BRI3: variants seen among roughly 807,000 people sequenced by gnomAD.
BRI3 encodes the protein membrane protein BRI3.
A neutral mutation model predicts 12.8 loss-of-function variants in BRI3; 6 were observed. That is an observed-to-expected ratio of 0.47 (90% confidence interval 0.26 to 0.93). The LOEUF (loss-of-function observed/expected upper bound fraction) is 0.93. Among genes scored for constraint, BRI3 ranks in the 40% least tolerant of loss-of-function variants. BRI3 has a pLI of 0.15. For synonymous variants in BRI3, 91 were observed against 76.1 expected (o/e 1.20, Z -1.02); for missense variants, 134 against 171.1 (o/e 0.78, Z 1.21).
At position 98,291,071 on chromosome 7, in the gene BRI3, G is replaced by A. The variant is rs760861800; in HGVS notation, c.246-40G>A. 5.0e-6 allele frequency: 8 copies of A among 1,612,498 alleles called. No individual in the cohort carries two copies. The East Asian group carries it at 1.6e-4, about 31-fold the overall frequency. ...AGGGGTGAGGGTTCTGGCTGCCCGG[G>A]TCCTTACGGTGCCACCCTCTCTGCC... On this transcript the variant is annotated intron_variant, in intron 2 of 2. Coordinates refer to ENST00000297290, the MANE Select transcript of BRI3 (RefSeq NM_015379.5).
chr7:98,304,513 G>C (rs1287214737), upstream of BRI3: 7 of 861,912 alleles, frequency 8.1e-6, no homozygotes, highest in South Asian at 1.6e-5. Context: ...CACACACACA[G>C]ACACACACAG....
chr7:98,315,789 C>T, the BRI3 span, among the ~76,000 whole-genome samples: 2 of 152,142 alleles, frequency 1.3e-5, no homozygotes, highest in Admixed American at 6.5e-5. Flanking sequence ...CATCGTTCTC[C>T]TTGAGGTCCC....
exon 2 of BRI3, chr7:98,307,936 T>C (rs1436524824): frequency 1.3e-6 from 2 of 1,590,480 alleles, no homozygotes; most frequent in South Asian, 1.1e-5. Flanking sequence ...TTTCAAAGCA[T>C]GAGAATCAAT....
intron 2 of BRI3, among the ~76,000 whole-genome samples, chr7:98,290,805 C>G (rs1012409575): frequency 1.3e-5 from 2 of 152,278 alleles, no homozygotes; most frequent in African/African-American, 4.8e-5. Context: ...CCTGCCTTGC[C>G]TTTCAAGGTT....
exon 2 of BRI3, chr7:98,307,785 T>A (rs745532455): frequency 3.1e-6 from 5 of 1,614,260 alleles, no homozygotes; most frequent in Non-Finnish European, 4.2e-6. Context: ...GAGTAAGGTC[T>A]TGTTGGAGCC....
chr7:98,291,408 C>G lies in BRI3; in HGVS notation c.*165C>G. On this transcript the variant is annotated 3_prime_UTR_variant, in exon 3 of 3. Transcript: ENST00000297290. Reference sequence around the variant, plus strand: ...TTTCCCGGAGCGTGGAGAGGCAGTGCTGCTGCTCCCGCCCGAGGCTCATGA... The same window carrying G: ...TTTCCCGGAGCGTGGAGAGGCAGTGGTGCTGCTCCCGCCCGAGGCTCATGA... 1 of 1,448,188 alleles carries G rather than the reference C, an allele frequency of 6.9e-7. No homozygotes were observed. Among genetic ancestry groups the G allele is most frequent in the South Asian group, 1.5e-5 (1 of 68,114 alleles). The allele number at this position is 1,448,188 out of a possible 1,614,324, so 89.7% of individuals were successfully genotyped here.
At position 98,291,318 on chromosome 7, in the gene BRI3, T is replaced by C. The variant is rs1397926620; in HGVS notation, c.*75T>C. The C allele has an allele frequency of 6.3e-7, 1 of 1,584,204 alleles. No homozygotes were observed. On this transcript the variant is annotated 3_prime_UTR_variant, in exon 3 of 3. Transcript: ENST00000297290. Reference sequence around the variant, plus strand: ...TAAATGTTGTGTACAATAATTTTATTTGATTAAGCTTCAGGACTGTTTTGT... The same window carrying C: ...TAAATGTTGTGTACAATAATTTTATCTGATTAAGCTTCAGGACTGTTTTGT...
At chr7:98,287,710 G>A (rs540034949) in intron 2 of BRI3, among the ~76,000 whole-genome samples, 10 of 152,348 alleles carry the variant, frequency 6.6e-5, no homozygotes, top group African/African-American at 2.2e-4. Context: ...GCAGGAGGGC[G>A]CTGCTGCTCT....
upstream of BRI3, among the ~76,000 whole-genome samples, chr7:98,304,837 G>A (rs1235931873): frequency 6.6e-6 from 1 of 151,118 alleles, no homozygotes; most frequent in Non-Finnish European, 1.5e-5. Flanking sequence ...AATGTTTTTA[G>A]TGGTTTCTAA....
At chr7:98,292,735 G>A, downstream of BRI3, 1 of 1,551,494 alleles carries the variant, frequency 6.4e-7, no homozygotes, top group Non-Finnish European at 8.7e-7. Context: ...TGAGTGTACT[G>A]GTAATGGATG....
At chr7:98,314,551 C>G (rs2116885253), downstream of BRI3, among the ~76,000 whole-genome samples, 1 of 152,324 alleles carries the variant, frequency 6.6e-6, no homozygotes, top group South Asian at 2.1e-4. Context: ...TGTGTTGCAT[C>G]ATGATTCCTG....
At chr7:98,306,355 G>T, upstream of BRI3, 1 of 1,519,332 alleles carries the variant, frequency 6.6e-7, no homozygotes, top group South Asian at 1.1e-5. Flanking sequence ...CAGGGCCTGC[G>T]ACACAGCTAG....
chr7:98,311,153 C>T (rs1004729474), downstream of BRI3, among the ~76,000 whole-genome samples: 3 of 152,144 alleles, frequency 2.0e-5, no homozygotes, highest in African/African-American at 4.8e-5. Context: ...AAGTGCCTTA[C>T]GTTGTGATGA....
downstream of BRI3, among the ~76,000 whole-genome samples, chr7:98,294,867 C>T (rs76745940): frequency 0.041 from 6,226 of 152,310 alleles, 206 homozygotes; most frequent in Non-Finnish European, 0.061. Context: ...GGGAGCAACT[C>T]CTTCCAGCAC....
chr7:98,293,561 G>A, downstream of BRI3: 3 of 1,613,884 alleles, frequency 1.9e-6, no homozygotes, highest in South Asian at 1.1e-5. Flanking sequence ...CGTCACAGTC[G>A]GGCGGAGTTT....
chr7:98,291,040 G>C, intron 2 of BRI3, 71 bp from the exon 3 acceptor site: 2 of 1,570,032 alleles, frequency 1.3e-6, no homozygotes, highest in Non-Finnish European at 1.7e-6. Flanking sequence ...TGAATGCAAG[G>C]GTGGCAGGGG....
Position 98,290,181 on chromosome 7 carries a change from G to GTTT in BRI3, c.246-907_246-905dup, listed in dbSNP as rs1180326213. 3.3e-3 allele frequency among the ~76,000 whole-genome samples: 335 copies of GTTT among 102,492 alleles called. 2 individuals carry two copies. Among genetic ancestry groups the GTTT allele is most frequent in the South Asian group, 6.5e-3 (16 of 2,456 alleles). 67.2% of individuals were successfully genotyped at this position (102,492 alleles called of 152,430 possible). On this transcript the variant is annotated intron_variant, in intron 2 of 2. Coordinates refer to ENST00000297290, the MANE Select transcript of BRI3 (RefSeq NM_015379.5). ...CAAAATGATCATGCCTCTCAAGGTT[G>GTTT]TTTTTTTTTTTTTTTTTTTTTTTTT...
chr7:98,289,228 G>C (rs1584395794), intron 2 of BRI3, among the ~76,000 whole-genome samples: 1 of 152,366 alleles, frequency 6.6e-6, no homozygotes, highest in Non-Finnish European at 1.5e-5. Context: ...AAAGTGCTGG[G>C]ATGACAAGCA....
In BRI3 at chr7:98,299,965, C is replaced by G. The variant is rs367672127; in HGVS notation, c.72-6518C>G. 9.2e-4 allele frequency among the ~76,000 whole-genome samples: 140 copies of G among 152,260 alleles called. 3 individuals are homozygous for G. In the South Asian group the frequency reaches 0.025, roughly 28 times the overall value. On this transcript the variant is annotated intron_variant and NMD_transcript_variant, in intron 1 of 2. Coordinates refer to the BRI3 transcript ENST00000491463. Reference sequence around the variant, plus strand: ...CTGAGGCGGGAGAATTGCTTGAGCCCGGGAAGTGGAGGTTGCTGTGAACCA... The same window carrying G: ...CTGAGGCGGGAGAATTGCTTGAGCCGGGGAAGTGGAGGTTGCTGTGAACCA...
Sources: allele counts gnomAD v4.1 joint callset (sites outside exome capture counted in the v4.1 genomes callset), GRCh38; gene constraint gnomAD v4.1.1; transcripts MANE v1.5; gene names NCBI Gene and HGNC (gene_info 2026-07-23, HGNC 2026-07-21).